The following LDLRAD4 variants were observed in gnomAD, a reference collection of about 807,000 sequenced individuals.
LDLRAD4 encodes low-density lipoprotein receptor class A domain-containing protein 4.
In LDLRAD4, 5 loss-of-function variants were observed where a neutral mutation model predicts 17.0. The ratio of observed to expected loss-of-function variants is 0.29; its 90% CI spans 0.15 to 0.62. The LOEUF (loss-of-function observed/expected upper bound fraction) is 0.62, where lower values mean the gene tolerates loss of function less well. Among genes scored for constraint, LDLRAD4 ranks in the 20% least tolerant of loss-of-function variants. The pLI is 0.84. For missense variants in LDLRAD4, 340 were observed against 424.7 expected, an observed-to-expected ratio of 0.80 and a Z score of 1.75; for synonymous variants, 168 against 171.8, an observed-to-expected ratio of 0.98 and a Z score of 0.17.
At chr18:13,437,852 C>T (rs947992643) in intron 2 of LDLRAD4, among the ~76,000 whole-genome samples, 4 of 152,244 alleles carry the variant, frequency 2.6e-5, no homozygotes, top group South Asian at 2.1e-4. Context: ...GCTGGCTGCA[C>T]GGGCTCCCCC....
chr18:13,259,657 C>T (rs192573596), intron 1 of LDLRAD4, among the ~76,000 whole-genome samples: 113 of 152,264 alleles, frequency 7.4e-4, no homozygotes, highest in African/African-American at 2.6e-3. Context: ...GTTTCTTTCT[C>T]CTGTTTTCTG....
At position 13,220,646 on chromosome 18, in the gene LDLRAD4, G is replaced by C. The variant is rs377570738; in HGVS notation, c.-467+1658G>C. On this transcript the variant is annotated intron_variant, in intron 1 of 5. Transcript: ENST00000399848. ...TGTTCTAAGAATAGTTTTCTTGCCT[G>C]GCACGCGGAGAGCAAGGGCCCGTCT... Among the ~76,000 whole-genome samples the C allele has an allele frequency of 8.5e-5, 13 of 152,312 alleles. No individual in the cohort carries two copies. In the East Asian group the frequency reaches 2.1e-3, roughly 25 times the overall value.
At chr18:13,303,846 T>A (rs901501972) in intron 1 of LDLRAD4, among the ~76,000 whole-genome samples, 2 of 152,172 alleles carry the variant, frequency 1.3e-5, no homozygotes, top group African/African-American at 4.8e-5. Flanking sequence ...CAGGTTCTCC[T>A]AGTAAGAGGG....
chr18:13,500,390 G>C (rs1175399871), intron 3 of LDLRAD4, among the ~76,000 whole-genome samples: 1 of 152,246 alleles, frequency 6.6e-6, no homozygotes, highest in Admixed American at 6.5e-5. Flanking sequence ...CTGGGTCTTA[G>C]GTGCTTTTTC....
chr18:13,311,183 T>C (rs1468383685), intron 1 of LDLRAD4, among the ~76,000 whole-genome samples: 2 of 152,214 alleles, frequency 1.3e-5, no homozygotes, highest in Non-Finnish European at 2.9e-5. Context: ...TACTGGGTGC[T>C]TCTGAGTACC....
At chr18:13,311,997 AT>A (rs2146746300) in intron 1 of LDLRAD4, among the ~76,000 whole-genome samples, 1 of 151,660 alleles carries the variant, frequency 6.6e-6, no homozygotes, top group African/African-American at 2.4e-5. Flanking sequence ...ACACCCGGCT[AT>A]TTTTTCTTTT....
intron 1 of LDLRAD4, among the ~76,000 whole-genome samples, chr18:13,230,577 T>C (rs551124495): frequency 1.3e-4 from 19 of 151,170 alleles, no homozygotes; most frequent in Admixed American, 4.6e-4. Flanking sequence ...GAGTATATGC[T>C]TCAGAAAATT....
intron 3 of LDLRAD4, among the ~76,000 whole-genome samples, chr18:13,464,050 A>G (rs919122717): frequency 1.1e-4 from 16 of 152,232 alleles, no homozygotes; most frequent in Admixed American, 2.0e-4. Context: ...AATGTTAAAT[A>G]TGGCTATTTC....
chr18:13,234,593 A>G (rs534657977), intron 1 of LDLRAD4, among the ~76,000 whole-genome samples: 1 of 152,272 alleles, frequency 6.6e-6, no homozygotes, highest in African/African-American at 2.4e-5. Context: ...CTGGGTGGGC[A>G]CCAGGTGTGG....
intron 1 of LDLRAD4, chr18:13,240,787 G>A (rs2042600983): frequency 6.6e-6 from 1 of 152,282 alleles, no homozygotes; most frequent in Non-Finnish European, 1.5e-5. Context: ...CACATAGTAG[G>A]TCTTCAGTGA....
chr18:13,373,383 C>A (rs899344137), intron 1 of LDLRAD4, among the ~76,000 whole-genome samples: 1 of 152,040 alleles, frequency 6.6e-6, no homozygotes. Context: ...TGAAAATGTG[C>A]GTCACAGACT....
chr18:13,283,556 A>T (rs903885141), intron 1 of LDLRAD4, among the ~76,000 whole-genome samples: 3 of 152,164 alleles, frequency 2.0e-5, no homozygotes, highest in African/African-American at 4.8e-5. Flanking sequence ...TCTGTCTGAG[A>T]CCACCTCAGC....
intron 1 of LDLRAD4, among the ~76,000 whole-genome samples, chr18:13,310,019 TG>T (rs2047138700): frequency 6.6e-6 from 1 of 152,102 alleles, no homozygotes; most frequent in Non-Finnish European, 1.5e-5. Flanking sequence ...ATCTGCAGAA[TG>T]GCTTTGTCCA....
In LDLRAD4 at chr18:13,260,174, A is replaced by G. The variant is rs184928642; in HGVS notation, c.-466-17931A>G. ...CTCCTGAGAGCACACTGTAACTTCT[A>G]TTGGAGGTCATTGCCTTGACCTCCT... On this transcript the variant is annotated intron_variant, in intron 1 of 5. Transcript: ENST00000399848. Among the ~76,000 whole-genome samples, 114 of 152,372 alleles carry G rather than the reference A, an allele frequency of 7.5e-4. 1 individual carries two copies. Among genetic ancestry groups the G allele is most frequent in the Admixed American group, 3.3e-3 (50 of 15,308 alleles).
intron 3 of LDLRAD4, among the ~76,000 whole-genome samples, chr18:13,574,119 C>T (rs2094732916): frequency 6.6e-6 from 1 of 152,206 alleles, no homozygotes; most frequent in Non-Finnish European, 1.5e-5. Context: ...TTGCTCACTG[C>T]TCTTCTTTGA....
chr18:13,315,104 G>A (rs2080857150), intron 1 of LDLRAD4, among the ~76,000 whole-genome samples: 1 of 152,182 alleles, frequency 6.6e-6, no homozygotes, highest in Non-Finnish European at 1.5e-5. Flanking sequence ...TAGACTTCCT[G>A]TTAGGTCCTG....
At chr18:13,262,301 TGTGGCTCTGTGTGTGTG>T in intron 1 of LDLRAD4, among the ~76,000 whole-genome samples, 1 of 142,234 alleles carries the variant, frequency 7.0e-6, no homozygotes, top group African/African-American at 2.8e-5. Context: ...CTGAGTCCCG[TGTGGCTCTGTGTGTGTG>T]GAAACTGAGT....
chr18:13,298,897 G>A lies in LDLRAD4; in HGVS notation c.-383+20709G>A, dbSNP rs574401880. Among the ~76,000 whole-genome samples, 4 of 152,338 alleles carry A rather than the reference G, an allele frequency of 2.6e-5. No homozygotes were observed. In the South Asian group the frequency reaches 8.3e-4, roughly 32 times the overall value. The stretch of plus-strand genomic sequence containing the variant: ...CGTCATGCGTAGTCTGACCATGTGG[G>A]CTTGTCCAAAATTACTCCATTCTTG... On this transcript the variant is annotated intron_variant, in intron 1 of 5. Transcript: ENST00000359446.
At chr18:13,467,709 C>G (rs764848580) in intron 3 of LDLRAD4, among the ~76,000 whole-genome samples, 36 of 152,186 alleles carry the variant, frequency 2.4e-4, no homozygotes, top group Middle Eastern at 3.2e-3. Flanking sequence ...AGAACAAAGT[C>G]AGAGGACTCA....
Sources: gnomAD v4.1 joint callset for allele counts (sites outside exome capture counted in the v4.1 genomes callset) on GRCh38, gnomAD v4.1.1 for gene constraint, MANE v1.5 for transcripts, NCBI Gene and HGNC (gene_info 2026-07-23, HGNC 2026-07-21) for gene names.